Variants in LHFPL6 observed in about 807,000 individuals in gnomAD.
LHFPL6 encodes LHFPL tetraspan subfamily member 6.
In LHFPL6, 9 loss-of-function variants were observed where a neutral mutation model predicts 20.6. That is an observed-to-expected ratio of 0.44 (90% CI 0.26 to 0.76). LHFPL6 has a LOEUF of 0.76. LHFPL6 is among the 30% of genes least tolerant of loss of function. The probability of loss-of-function intolerance (pLI) is 0.20; values close to 1 mark genes in which losing one functional copy is unlikely to be tolerated. For missense variants in LHFPL6, 218 were observed against 253.5 expected, an observed-to-expected ratio of 0.86 and a Z score of 0.95; for synonymous variants, 105 against 98.7, an observed-to-expected ratio of 1.06 and a Z score of -0.38.
intron 2 of LHFPL6, among the ~76,000 whole-genome samples, chr13:39,419,562 T>C (rs1350831485): frequency 1.3e-5 from 2 of 152,258 alleles, no homozygotes; most frequent in African/African-American, 4.8e-5. Context: ...TGAATCAAAA[T>C]GTTTTAGCTT....
intron 2 of LHFPL6, among the ~76,000 whole-genome samples, chr13:39,496,056 T>C (rs1446321832): frequency 6.6e-6 from 1 of 152,064 alleles, no homozygotes; most frequent in Non-Finnish European, 1.5e-5. Flanking sequence ...GGTAACTCTA[T>C]GGAAAAGGGA....
chr13:39,402,293 T>C (rs4943662), intron 2 of LHFPL6, among the ~76,000 whole-genome samples: 115,958 of 152,064 alleles, frequency 0.76, 45,550 homozygotes, highest in South Asian at 0.89. Context: ...GGCACAATCA[T>C]GGCTCACTGT....
intron 3 of LHFPL6, among the ~76,000 whole-genome samples, chr13:39,355,227 A>C (rs1869692454): frequency 6.6e-6 from 1 of 151,874 alleles, no homozygotes; most frequent in Non-Finnish European, 1.5e-5. Flanking sequence ...AGGAGAGATT[A>C]GGGGCCTATT....
intron 2 of LHFPL6, among the ~76,000 whole-genome samples, chr13:39,425,056 C>A (rs1446652048): frequency 2.0e-5 from 3 of 152,046 alleles, no homozygotes; most frequent in Non-Finnish European, 4.4e-5. Context: ...TGTAACCCTC[C>A]CTTCCACCCC....
chr13:39,449,784 C>G (rs1009651096), intron 2 of LHFPL6, among the ~76,000 whole-genome samples: 3 of 150,154 alleles, frequency 2.0e-5, no homozygotes, highest in Admixed American at 1.3e-4. Flanking sequence ...ACTCAGTTGC[C>G]AAGTCCATCC....
In LHFPL6 at chr13:39,579,123, T is replaced by C. The variant is rs1034028966; in HGVS notation, c.385+21709A>G. ...GGGGTAACACTGTAGGAGGTCTTTA[T>C]CTTACAGGGAGCAGCCAAGGTATTT... On this transcript the variant is annotated intron_variant, in intron 2 of 3. Coordinates refer to ENST00000379589, the MANE Select transcript of LHFPL6 (RefSeq NM_005780.3). Among the ~76,000 whole-genome samples, 3 of 152,108 alleles carry C rather than the reference T, an allele frequency of 2.0e-5. No individual in the cohort carries two copies. The East Asian group carries it at 5.8e-4, about 29-fold the overall frequency.
chr13:39,514,763 A>G (rs999729903), intron 2 of LHFPL6, among the ~76,000 whole-genome samples: 134 of 152,370 alleles, frequency 8.8e-4, no homozygotes, highest in Non-Finnish European at 6.8e-4. Flanking sequence ...GCACTTACAT[A>G]TAAAAGAAAG....
chr13:39,464,723 C>A (rs1229012111), intron 2 of LHFPL6, among the ~76,000 whole-genome samples: 1 of 136,034 alleles, frequency 7.4e-6, no homozygotes. Flanking sequence ...TTTTGTCTGA[C>A]CTAACGTCTT....
chr13:39,430,088 T>C (rs1478769472), intron 2 of LHFPL6, among the ~76,000 whole-genome samples: 1 of 152,254 alleles, frequency 6.6e-6, no homozygotes, highest in Non-Finnish European at 1.5e-5. Flanking sequence ...CTCATTTCTT[T>C]AGTGATCTCA....
intron 2 of LHFPL6, among the ~76,000 whole-genome samples, chr13:39,448,270 C>G (rs1473904403): frequency 3.3e-5 from 5 of 152,210 alleles, no homozygotes; most frequent in African/African-American, 1.2e-4. Context: ...CTATTGGCCT[C>G]AGATCCTACA....
chr13:39,539,987 C>T (rs376209551), intron 2 of LHFPL6, among the ~76,000 whole-genome samples: 10 of 152,088 alleles, frequency 6.6e-5, no homozygotes, highest in South Asian at 2.1e-4. Context: ...GAGTTTCACA[C>T]GGATGATAAG....
intron 2 of LHFPL6, among the ~76,000 whole-genome samples, chr13:39,467,386 T>G (rs1012814502): frequency 7.2e-5 from 11 of 152,214 alleles, no homozygotes; most frequent in African/African-American, 2.4e-4. Context: ...GAAAGGTGTC[T>G]GCAAGTCCAC....
chr13:39,406,407 C>G (rs1017073711), intron 2 of LHFPL6, among the ~76,000 whole-genome samples: 2 of 152,052 alleles, frequency 1.3e-5, no homozygotes, highest in Non-Finnish European at 2.9e-5. Context: ...AATCTTTGAT[C>G]AATGTCTGGT....
intron 2 of LHFPL6, 40 bp downstream of exon 2, chr13:39,600,792 G>T: frequency 1.4e-6 from 2 of 1,446,038 alleles, no homozygotes; most frequent in South Asian, 1.7e-5. Flanking sequence ...ATACTGCTTT[G>T]GGATTCCAGT....
chr13:39,343,402 T>G lies in LHFPL6; in HGVS notation c.*534A>C, dbSNP rs897224589. 8.6e-6 allele frequency: 2 copies of G among 231,854 alleles called. No homozygotes were observed. Among genetic ancestry groups the G allele is most frequent in the African/African-American group, 4.4e-5 (2 of 45,246 alleles). 14.4% of individuals were successfully genotyped at this position (231,854 alleles called of 1,614,324 possible). On this transcript the variant is annotated 3_prime_UTR_variant, in exon 4 of 4. Transcript: ENST00000379589. ...CTCCCAGTCTGTGCGATAATCCACG[T>G]TTGTGCATAGGCGTGTGTGGGGATG... is the stretch of plus-strand genomic sequence containing the variant.
Position 39,454,628 on chromosome 13 carries a change from C to CA in LHFPL6, c.386-76103dup, listed in dbSNP as rs57933417. On this transcript the variant is annotated intron_variant, in intron 2 of 3. Coordinates refer to ENST00000379589, the MANE Select transcript of LHFPL6 (RefSeq NM_005780.3). ...TGGGCGACAGAGCGAGACTCCGTCT[C>CA]AAAAAAAAAAAAAAAAAAAAAAAAA... 2.8e-4 allele frequency among the ~76,000 whole-genome samples: 19 copies of CA among 68,584 alleles called. 5 individuals are homozygous for CA. Among genetic ancestry groups the CA allele is most frequent in the African/African-American group, 8.6e-4 (19 of 22,216 alleles). 45.0% of individuals were successfully genotyped at this position (68,584 alleles called of 152,430 possible).
chr13:39,350,568 T>A (rs181483253), intron 3 of LHFPL6, among the ~76,000 whole-genome samples: 27 of 152,362 alleles, frequency 1.8e-4, no homozygotes, highest in Non-Finnish European at 3.1e-4. Flanking sequence ...CTTGTTATTA[T>A]AATGCAAACA....
chr13:39,477,280 G>A (rs778283134), intron 2 of LHFPL6, among the ~76,000 whole-genome samples: 13 of 152,082 alleles, frequency 8.5e-5, no homozygotes, highest in Non-Finnish European at 1.8e-4. Context: ...CCAAACCACT[G>A]CTGCATATAC....
intron 2 of LHFPL6, among the ~76,000 whole-genome samples, chr13:39,535,939 A>G (rs1870603962): frequency 6.6e-6 from 1 of 152,194 alleles, no homozygotes; most frequent in Non-Finnish European, 1.5e-5. Flanking sequence ...ATCAGAATAA[A>G]TGTAATCAAC....
Sources: gnomAD v4.1 joint callset for allele counts (sites outside exome capture counted in the v4.1 genomes callset) on GRCh38, gnomAD v4.1.1 for gene constraint, MANE v1.5 for transcripts, NCBI Gene and HGNC (gene_info 2026-07-23, HGNC 2026-07-21) for gene names.